Variants in PTPRG observed in about 807,000 individuals in gnomAD.
PTPRG encodes protein tyrosine phosphatase receptor type G.
Under a neutral mutation model 165.3 loss-of-function variants are expected in PTPRG, and 102 were observed. The observed-to-expected ratio is 0.62, with a 90% CI of 0.53 to 0.73. PTPRG has a LOEUF of 0.73. PTPRG is among the 30% of genes least tolerant of loss of function. The probability of loss-of-function intolerance (pLI) is 0.00; values close to 1 mark genes in which losing one functional copy is unlikely to be tolerated. For synonymous variants in PTPRG, 675 were observed against 669.5 expected (o/e 1.01, Z -0.13); for missense variants, 1,866 against 1,861.4 (o/e 1.00, Z -0.05).
At chr3:62,235,969 T>C (rs1276800025) in intron 14 of PTPRG, among the ~76,000 whole-genome samples, 3 of 152,202 alleles carry the variant, frequency 2.0e-5, no homozygotes, top group African/African-American at 4.8e-5. Context: ...CCAAAGCACA[T>C]TGACATTTGT....
chr3:61,915,448 G>C (rs2038911101), intron 2 of PTPRG, among the ~76,000 whole-genome samples: 1 of 152,158 alleles, frequency 6.6e-6, no homozygotes, highest in Non-Finnish European at 1.5e-5. Context: ...AGGGGTAGTT[G>C]AGCTGAAATC....
intron 1 of PTPRG, among the ~76,000 whole-genome samples, chr3:61,626,318 C>G (rs960201718): frequency 2.6e-5 from 4 of 152,142 alleles, no homozygotes; most frequent in African/African-American, 9.7e-5. Flanking sequence ...CCTCCCTTAG[C>G]AGTGATAGTA....
At chr3:62,031,266 A>G (rs1699760774) in intron 4 of PTPRG, among the ~76,000 whole-genome samples, 1 of 152,204 alleles carries the variant, frequency 6.6e-6, no homozygotes, top group Non-Finnish European at 1.5e-5. Flanking sequence ...TGGCTTACCT[A>G]GCCTAGAAGC....
chr3:61,729,410 G>T (rs1188410577), intron 1 of PTPRG, among the ~76,000 whole-genome samples: 1 of 152,176 alleles, frequency 6.6e-6, no homozygotes, highest in Non-Finnish European at 1.5e-5. Flanking sequence ...GGGTTTCATA[G>T]AGTAGGCTAT....
chr3:61,681,240 G>A (rs887189958), intron 1 of PTPRG, among the ~76,000 whole-genome samples: 3 of 152,118 alleles, frequency 2.0e-5, no homozygotes, highest in East Asian at 1.9e-4. Flanking sequence ...GGCATTCCTG[G>A]ATCTGTTAAA....
chr3:61,766,755 T>G (rs1028541120), intron 2 of PTPRG, among the ~76,000 whole-genome samples: 2 of 152,030 alleles, frequency 1.3e-5, no homozygotes, highest in African/African-American at 4.8e-5. Flanking sequence ...TAGCTGGGAT[T>G]GCAGGCATTT....
rs1702449940 is a variant in PTPRG at position 62,281,552 on chromosome 3, G to GTTTTTTTTTTTTTTTTTTT, written c.3766-11_3766-10insTTTTTTTTTTTTTTTTTTT. 1 of 195,966 alleles carries GTTTTTTTTTTTTTTTTTTT rather than the reference G, an allele frequency of 5.1e-6. No homozygotes were observed. 12.1% of individuals were successfully genotyped at this position (195,966 alleles called of 1,614,324 possible). The stretch of plus-strand genomic sequence containing the variant: ...AACTGCAGAGGCTTTTTTTTTTTTT[G>GTTTTTTTTTTTTTTTTTTT]GATTCCAAAGGCAGAAGATGAGTTT... On this transcript the variant is annotated splice_polypyrimidine_tract_variant and intron_variant, in intron 26 of 29. Transcript: ENST00000474889.
At chr3:62,170,522 G>A (rs1393658852) in intron 8 of PTPRG, among the ~76,000 whole-genome samples, 2 of 152,120 alleles carry the variant, frequency 1.3e-5, no homozygotes, top group Non-Finnish European at 2.9e-5. Flanking sequence ...ATCCAAGAAA[G>A]CTAGGGAGGA....
intron 2 of PTPRG, among the ~76,000 whole-genome samples, chr3:61,836,932 A>G (rs189325401): frequency 2.0e-5 from 3 of 151,082 alleles, no homozygotes; most frequent in Non-Finnish European, 4.4e-5. Context: ...TTCTTTTGAG[A>G]TGGAGTCTTG....
At chr3:62,043,913 G>A (rs1038670283) in intron 4 of PTPRG, among the ~76,000 whole-genome samples, 6 of 152,096 alleles carry the variant, frequency 3.9e-5, no homozygotes, top group Non-Finnish European at 8.8e-5. Context: ...TATCATAGGG[G>A]CCTAGTGCAG....
intron 4 of PTPRG, 91 bp downstream of exon 4, chr3:62,003,588 T>C: frequency 6.6e-7 from 1 of 1,524,870 alleles, no homozygotes; most frequent in Non-Finnish European, 8.9e-7. Context: ...ATTTTGCAAA[T>C]CACAGCTGTA....
chr3:61,902,926 C>T (rs964746513), intron 2 of PTPRG, among the ~76,000 whole-genome samples: 5 of 152,100 alleles, frequency 3.3e-5, no homozygotes, highest in Non-Finnish European at 2.9e-5. Context: ...CTAGGAGAGT[C>T]GCCCCTCAAC....
At chr3:61,577,048 T>G (rs539682588) in intron 1 of PTPRG, among the ~76,000 whole-genome samples, 1 of 152,202 alleles carries the variant, frequency 6.6e-6, no homozygotes, top group South Asian at 2.1e-4. Flanking sequence ...TGTGATTGAC[T>G]TATTGGATCT....
chr3:61,566,964 T>C (rs1699928819), intron 1 of PTPRG, among the ~76,000 whole-genome samples: 1 of 152,220 alleles, frequency 6.6e-6, no homozygotes, highest in South Asian at 2.1e-4. Context: ...AATACTGTCA[T>C]CCTGGGTTAC....
chr3:61,888,983 T>C (rs962720183), intron 2 of PTPRG, among the ~76,000 whole-genome samples: 10 of 152,372 alleles, frequency 6.6e-5, no homozygotes, highest in African/African-American at 9.6e-5. Context: ...ATTAGTGATA[T>C]TGTGTTTTTC....
chr3:61,840,782 GTTTTTTT>G (rs149041037), intron 2 of PTPRG, among the ~76,000 whole-genome samples: 8 of 120,088 alleles, frequency 6.7e-5, no homozygotes, highest in African/African-American at 2.2e-4. Flanking sequence ...TTGTTTGTTT[GTTTTTTT>G]TTTTTTTTTT....
At chr3:62,281,538 C>CGTTTTTTTTTTTTTTTTTTT in intron 26 of PTPRG, 25 bp from the exon 27 acceptor site, 2 of 620,526 alleles carry the variant, frequency 3.2e-6, no homozygotes, top group East Asian at 1.1e-4. Context: ...ACTGCAGAGG[C>CGTTTTTTTTTTTTTTTTTTT]TTTTTTTTTT....
At chr3:61,816,974 TTA>T (rs923332355) in intron 2 of PTPRG, among the ~76,000 whole-genome samples, 14 of 135,662 alleles carry the variant, frequency 1.0e-4, no homozygotes, top group Admixed American at 5.9e-4. Context: ...CAGTAATCAC[TTA>T]TATATATATT....
chr3:62,137,634 G>C (rs548510238), intron 6 of PTPRG, among the ~76,000 whole-genome samples: 1 of 152,136 alleles, frequency 6.6e-6, no homozygotes, highest in East Asian at 1.9e-4. Context: ...TAGTGGATCA[G>C]ACCGGCAGCA....
Sources: gnomAD v4.1 joint callset for allele counts (sites outside exome capture counted in the v4.1 genomes callset) on GRCh38, gnomAD v4.1.1 for gene constraint, MANE v1.5 for transcripts, NCBI Gene and HGNC (gene_info 2026-07-23, HGNC 2026-07-21) for gene names.